The following RCSD1 variants were observed in gnomAD, a reference collection of about 807,000 sequenced individuals.
RCSD1 encodes the protein RCSD domain containing 1.
Under a neutral mutation model 42.5 loss-of-function variants are expected in RCSD1, and 26 were observed. The ratio of observed to expected loss-of-function variants is 0.61; its 90% CI spans 0.45 to 0.85. The LOEUF (loss-of-function observed/expected upper bound fraction) is 0.85, where lower values mean the gene tolerates loss of function less well. Among genes scored for constraint, RCSD1 ranks in the 40% least tolerant of loss-of-function variants. The pLI, the probability that RCSD1 is intolerant of heterozygous loss-of-function variation, is 0.00. For missense variants in RCSD1, 571 were observed against 528.3 expected, an observed-to-expected ratio of 1.08 and a Z score of -0.79; for synonymous variants, 220 against 212.2, an observed-to-expected ratio of 1.04 and a Z score of -0.32.
chr1:167,671,707 C>T (rs946078736), intron 1 of RCSD1, among the ~76,000 whole-genome samples: 1 of 152,238 alleles, frequency 6.6e-6, no homozygotes, highest in African/African-American at 2.4e-5. Flanking sequence ...CATGTCTTAC[C>T]CTGCAGCCAT....
chr1:167,683,044 A>C (rs1467288858), intron 1 of RCSD1, among the ~76,000 whole-genome samples: 1 of 152,224 alleles, frequency 6.6e-6, no homozygotes, highest in African/African-American at 2.4e-5. Context: ...TCTTGGTGAC[A>C]AATGGTACAT....
chr1:167,638,840 T>G (rs756622239), intron 1 of RCSD1, among the ~76,000 whole-genome samples: 3 of 152,208 alleles, frequency 2.0e-5, no homozygotes, highest in Non-Finnish European at 4.4e-5. Flanking sequence ...TCCATCCCCT[T>G]CATTTTAAAG....
intron 1 of RCSD1, among the ~76,000 whole-genome samples, chr1:167,642,718 A>T (rs906700368): frequency 2.0e-5 from 3 of 152,016 alleles, no homozygotes; most frequent in African/African-American, 7.3e-5. Context: ...ACGCCTTTTG[A>T]TTGGAATGCA....
chr1:167,631,167 G>A (rs1329367122), intron 1 of RCSD1, among the ~76,000 whole-genome samples: 2 of 152,230 alleles, frequency 1.3e-5, no homozygotes, highest in Non-Finnish European at 2.9e-5. Flanking sequence ...GGAGGTCCGG[G>A]GACTTTCCTT....
rs753884065 is a variant in RCSD1, at chr1:167,683,966, G to T, written c.73G>T (p.Gly25Trp). 1.2e-6 allele frequency: 2 copies of T among 1,614,050 alleles called. No individual in the cohort carries two copies. The highest frequency in any genetic ancestry group is 1.7e-6 in the Non-Finnish European group (2 of 1,180,030). The change falls in exon 2 of 7, where the codon GGG becomes TGG. Residue 25 changes from glycine to tryptophan, a missense_variant. Gly to Trp is a radical substitution (Grantham distance 184, BLOSUM62 -2). Coordinates refer to ENST00000367854, the MANE Select transcript of RCSD1 (RefSeq NM_052862.4). ...SASPSVAQLA[G>W]RFREQAAAAK... ...GTCCCCCTCGGTGGCCCAGCTGGCC[G>T]GGCGGTTTAGGGAGCAGGCGGCTGC...
intron 1 of RCSD1, among the ~76,000 whole-genome samples, chr1:167,668,209 TGGCAG>T (rs1291932694): frequency 2.6e-5 from 4 of 151,648 alleles, no homozygotes; most frequent in Non-Finnish European, 5.9e-5. Flanking sequence ...CGCTTGAACC[TGGCAG>T]GCGGAGGTTG....
chr1:167,681,313 A>G (rs1319397542), intron 1 of RCSD1, among the ~76,000 whole-genome samples: 1 of 152,174 alleles, frequency 6.6e-6, no homozygotes, highest in African/African-American at 2.4e-5. Flanking sequence ...TCTGGGTTTA[A>G]TGTGCCTGGA....
At chr1:167,638,613 G>T (rs1340042729) in intron 1 of RCSD1, among the ~76,000 whole-genome samples, 1 of 152,212 alleles carries the variant, frequency 6.6e-6, no homozygotes, top group East Asian at 1.9e-4. Context: ...AGGCCAGGCT[G>T]TGGTGGAGGC....
intron 2 of RCSD1, among the ~76,000 whole-genome samples, chr1:167,685,127 C>T (rs140273896): frequency 3.5e-4 from 54 of 152,116 alleles, no homozygotes; most frequent in African/African-American, 1.1e-3. Context: ...TGATTCAGGT[C>T]GGTGAATCTC....
rs754030468 is a variant in RCSD1, at chr1:167,697,818, C to T, written c.1194C>T (p.Ser398=). The T allele has an allele frequency of 3.8e-5, 56 of 1,467,844 alleles. 1 individual carries two copies. The South Asian group carries it at 6.5e-4, about 17-fold the overall frequency. The allele number at this position is 1,467,844 out of a possible 1,614,324, so 90.9% of individuals were successfully genotyped here. A position where few individuals can be genotyped will look rare whatever the true frequency, so the allele number is the denominator to read the frequency against. ...TGGAGACCAGCAGTGAGGTCCAGAG[C>T]GAGCCAGCAGTCCCCAAGCCGGAGG... is the stretch of plus-strand genomic sequence containing the variant. ...AQLETSSEVQ[S]EPAVPKPEDD... is the part of the protein sequence containing the mutation. The change falls in exon 6 of 7, where the codon AGC becomes AGT. Residue 398 remains serine (S), a synonymous_variant. Transcript: ENST00000367854.
At chr1:167,649,841 A>G (rs1028354184) in intron 1 of RCSD1, among the ~76,000 whole-genome samples, 3 of 152,182 alleles carry the variant, frequency 2.0e-5, no homozygotes, top group African/African-American at 7.2e-5. Context: ...GGGTGTAGGC[A>G]TAACATTTAA....
At chr1:167,678,445 G>A (rs1469142448) in intron 1 of RCSD1, among the ~76,000 whole-genome samples, 2 of 126,318 alleles carry the variant, frequency 1.6e-5, no homozygotes, top group African/African-American at 3.0e-5. Flanking sequence ...CATGCATCCC[G>A]TTATCCAAGT....
At chr1:167,666,447 C>T (rs1324071498) in intron 1 of RCSD1, among the ~76,000 whole-genome samples, 1 of 152,222 alleles carries the variant, frequency 6.6e-6, no homozygotes, top group African/African-American at 2.4e-5. Flanking sequence ...TACTACTACT[C>T]ATTCAAAACC....
chr1:167,692,187 T>A (rs1449674382), intron 4 of RCSD1, among the ~76,000 whole-genome samples: 2 of 152,230 alleles, frequency 1.3e-5, no homozygotes, highest in Non-Finnish European at 2.9e-5. Context: ...GAAACTTACT[T>A]CGTTGGGAAT....
chr1:167,699,874 C>A (rs115428540), intron 6 of RCSD1, among the ~76,000 whole-genome samples: 6 of 152,340 alleles, frequency 3.9e-5, no homozygotes, highest in African/African-American at 7.2e-5. Flanking sequence ...CGGCTCAGAG[C>A]TCAGCTCAGA....
chr1:167,683,891 A>G lies in RCSD1; in HGVS notation c.7-9A>G. On this transcript the variant is annotated splice_polypyrimidine_tract_variant and intron_variant, in intron 1 of 6. Coordinates refer to ENST00000367854, the MANE Select transcript of RCSD1 (RefSeq NM_052862.4). ...GCTGATTAACTGTTTCTTCTTCTCC[A>G]TTTGCCAGGAAAGACCGGCAGAGAC... is the stretch of plus-strand genomic sequence containing the variant. 1 of 1,612,982 alleles carries G rather than the reference A, an allele frequency of 6.2e-7. No homozygotes were observed. Among genetic ancestry groups the G allele is most frequent in the Non-Finnish European group, 8.5e-7 (1 of 1,179,468 alleles).
At chr1:167,637,112 T>C (rs1657879406) in intron 1 of RCSD1, among the ~76,000 whole-genome samples, 1 of 152,106 alleles carries the variant, frequency 6.6e-6, no homozygotes, top group Non-Finnish European at 1.5e-5. Flanking sequence ...CTGCTAAAAA[T>C]AATTTCTGAG....
rs570250219 is a variant in RCSD1 at position 167,704,348 on chromosome 1, C to G, written c.1219-316C>G. Among the ~76,000 whole-genome samples, 242 of 152,218 alleles carry G rather than the reference C, an allele frequency of 1.6e-3. 2 individuals carry two copies. In the South Asian group the frequency reaches 0.019, roughly 12 times the overall value. On this transcript the variant is annotated intron_variant, in intron 6 of 6. Coordinates refer to ENST00000367854, the MANE Select transcript of RCSD1 (RefSeq NM_052862.4). ...CACTTAGTACTGGACAACTCAAGCT[C>G]TGATCCCTGGGTTAAAATCCTGACT...
At chr1:167,695,365 G>C (rs755394401) in intron 5 of RCSD1, among the ~76,000 whole-genome samples, 54 of 152,194 alleles carry the variant, frequency 3.5e-4, no homozygotes, top group Non-Finnish European at 6.9e-4. Flanking sequence ...ATGAGGGCTG[G>C]GGCCTTGATA....
Sources: gnomAD v4.1 joint callset for allele counts (sites outside exome capture counted in the v4.1 genomes callset) on GRCh38, gnomAD v4.1.1 for gene constraint, MANE v1.5 for transcripts, NCBI Gene and HGNC (gene_info 2026-07-23, HGNC 2026-07-21) for gene names.